Variants in NDRG3 observed in about 807,000 individuals in gnomAD.
The protein encoded by NDRG3 is NDRG family member 3.
NDRG3 carries 23 observed loss-of-function variants against 57.2 expected under a neutral mutation model. That is an observed-to-expected ratio of 0.40 (90% CI 0.29 to 0.57). NDRG3 has a LOEUF of 0.57. Ranked by LOEUF, NDRG3 falls within the 20% of genes least tolerant of loss-of-function variation. NDRG3 has a pLI of 0.42. For missense variants in NDRG3, 384 were observed against 457.3 expected (o/e 0.84, Z 1.46); for synonymous variants, 132 against 162.6 (o/e 0.81, Z 1.43).
Position 36,653,609 on chromosome 20 carries a change from C to T in NDRG3, c.1039G>A (p.Val347Ile), listed in dbSNP as rs1978398133. Residue 347 changes from valine to isoleucine, a missense_variant, in exon 16 of 16, where the codon GTC (valine) becomes ATC (isoleucine). Val to Ile is a conservative substitution (Grantham distance 29, BLOSUM62 3). Transcript: ENST00000349004. The surrounding 1 kb of genome is among the most constrained non-coding windows in gnomAD (Gnocchi z 4.2). The stretch of plus-strand genomic sequence containing the variant: ...GTTCCATCTGACTGATTGCTGGTGA[C>T]AGACCGGCTGAAGGGACTTTCTCCA... ...GSGESPFSRS[V>I]TSNQSDGTQE... 1.2e-6 allele frequency: 2 copies of T among 1,614,170 alleles called. No individual in the cohort carries two copies. Among genetic ancestry groups the T allele is most frequent in the Non-Finnish European group, 1.7e-6 (2 of 1,180,030 alleles).
chr20:36,706,301 A>C (rs1026172128), intron 3 of NDRG3, among the ~76,000 whole-genome samples: 1 of 152,102 alleles, frequency 6.6e-6, no homozygotes, highest in African/African-American at 2.4e-5. Context: ...CTGTCAAGAA[A>C]TCTCTCCTCC....
intron 1 of NDRG3, among the ~76,000 whole-genome samples, chr20:36,732,350 G>A (rs932915926): frequency 1.3e-5 from 2 of 152,180 alleles, no homozygotes; most frequent in Non-Finnish European, 2.9e-5. Flanking sequence ...GCAGAACACC[G>A]TTTAAAGCGT....
chr20:36,681,152 A>G (rs1391686478), intron 7 of NDRG3, among the ~76,000 whole-genome samples: 2 of 152,218 alleles, frequency 1.3e-5, no homozygotes, highest in African/African-American at 4.8e-5. Flanking sequence ...AAAGATCTAT[A>G]TGCAGTTGTT....
chr20:36,701,926 A>G (rs1409144469), intron 3 of NDRG3, among the ~76,000 whole-genome samples: 1 of 151,994 alleles, frequency 6.6e-6, no homozygotes, highest in East Asian at 1.9e-4. Flanking sequence ...ATTATTTAAT[A>G]ACCAACTTTC....
chr20:36,705,149 G>A (rs557288416), intron 3 of NDRG3, among the ~76,000 whole-genome samples: 3 of 151,060 alleles, frequency 2.0e-5, no homozygotes, highest in African/African-American at 2.4e-5. Context: ...GTGAAACCCC[G>A]TCTCTACTAA....
intron 3 of NDRG3, among the ~76,000 whole-genome samples, chr20:36,706,746 G>C (rs977691565): frequency 6.6e-6 from 1 of 152,158 alleles, no homozygotes; most frequent in African/African-American, 2.4e-5. Context: ...CAAGTGATCT[G>C]TCTGCCTTGG....
rs76811766 is a variant in NDRG3 at position 36,671,300 on chromosome 20, A to G, written c.588+41T>C. The G allele has an allele frequency of 3.1e-3, 4,715 of 1,520,246 alleles. 129 individuals carry two copies. In the African/African-American group the frequency reaches 0.059, roughly 19 times the overall value. 94.2% of individuals were successfully genotyped at this position (1,520,246 alleles called of 1,614,324 possible). On this transcript the variant is annotated intron_variant, in intron 9 of 15. Coordinates refer to ENST00000349004, the MANE Select transcript of NDRG3 (RefSeq NM_032013.4). Reference sequence around the variant, plus strand: ...AAGGTAAAATAAGAATTTGCATGCAAGCCAATAAACACAGCTCTTCTGGGT... The same window carrying G: ...AAGGTAAAATAAGAATTTGCATGCAGGCCAATAAACACAGCTCTTCTGGGT...
intron 5 of NDRG3, among the ~76,000 whole-genome samples, chr20:36,685,295 A>T (rs1216875424): frequency 2.1e-5 from 3 of 145,792 alleles, no homozygotes; most frequent in Non-Finnish European, 4.4e-5. Flanking sequence ...TTAAAATTTT[A>T]TTATTATTAT....
At chr20:36,696,771 G>A (rs1242854531) in intron 3 of NDRG3, among the ~76,000 whole-genome samples, 1 of 152,172 alleles carries the variant, frequency 6.6e-6, no homozygotes, top group East Asian at 1.9e-4. Context: ...GATTACAGGC[G>A]TGAGCCACCA....
At chr20:36,675,416 T>C (rs1189434957) in intron 8 of NDRG3, among the ~76,000 whole-genome samples, 6 of 144,694 alleles carry the variant, frequency 4.1e-5, no homozygotes, top group Admixed American at 1.4e-4. Context: ...GATGGAGTTT[T>C]GCTCTTGTTG....
intron 1 of NDRG3, among the ~76,000 whole-genome samples, chr20:36,726,623 GGT>G (rs1984950983): frequency 6.6e-6 from 1 of 152,134 alleles, no homozygotes; most frequent in Non-Finnish European, 1.5e-5. Flanking sequence ...CTGTACAAAT[GGT>G]ATGGCTGCCA....
At chr20:36,715,704 C>A (rs775965605) in intron 2 of NDRG3, among the ~76,000 whole-genome samples, 3 of 151,556 alleles carry the variant, frequency 2.0e-5, no homozygotes, top group African/African-American at 4.8e-5. Flanking sequence ...GTGGTCCCAA[C>A]TACTTGGGAG....
intron 3 of NDRG3, among the ~76,000 whole-genome samples, chr20:36,696,461 G>T (rs1489007753): frequency 6.6e-6 from 1 of 152,054 alleles, no homozygotes; most frequent in Non-Finnish European, 1.5e-5. Context: ...GATTGCAAGT[G>T]TGAGCCACCG....
intron 2 of NDRG3, among the ~76,000 whole-genome samples, chr20:36,721,386 G>A (rs552700736): frequency 2.5e-4 from 38 of 151,830 alleles, no homozygotes; most frequent in African/African-American, 8.9e-4. Context: ...AAAATTAGCT[G>A]GGCGTGATGA....
At chr20:36,699,473 T>A (rs1272914924) in intron 3 of NDRG3, among the ~76,000 whole-genome samples, 3 of 152,068 alleles carry the variant, frequency 2.0e-5, no homozygotes, top group Non-Finnish European at 4.4e-5. Flanking sequence ...CAAATCCAAG[T>A]TAAAGAGAGC....
intron 1 of NDRG3, among the ~76,000 whole-genome samples, chr20:36,735,689 G>C (rs1985568122): frequency 6.6e-6 from 1 of 151,992 alleles, no homozygotes; most frequent in Admixed American, 6.6e-5. Flanking sequence ...ATCAGGGTTG[G>C]GAAAGAAAGA....
chr20:36,734,704 T>C (rs181841637), intron 1 of NDRG3, among the ~76,000 whole-genome samples: 7 of 152,076 alleles, frequency 4.6e-5, no homozygotes, highest in Non-Finnish European at 8.8e-5. Context: ...GTCTGTTCTA[T>C]GCATTGCAGA....
In NDRG3 at chr20:36,712,559, CTA is replaced by C. The variant is rs1201319236; in HGVS notation, c.58-5554_58-5553del. ...TACTGGCATGTGCCACCATGCCCGG[CTA>C]TATATATATATATATATATATATAT... On this transcript the variant is annotated intron_variant, in intron 2 of 15. Coordinates refer to ENST00000349004, the MANE Select transcript of NDRG3 (RefSeq NM_032013.4). Among the ~76,000 whole-genome samples, 146 of 20,726 alleles carry C rather than the reference CTA, an allele frequency of 7.0e-3. 3 individuals carry two copies. Among genetic ancestry groups the C allele is most frequent in the Middle Eastern group, 0.045 (1 of 22 alleles). The allele number at this position is 20,726 out of a possible 152,430, so 13.6% of individuals were successfully genotyped here. A position where few individuals can be genotyped will look rare whatever the true frequency, so the allele number is the denominator to read the frequency against.
At chr20:36,716,350 T>C (rs1416775327) in intron 2 of NDRG3, among the ~76,000 whole-genome samples, 5 of 152,010 alleles carry the variant, frequency 3.3e-5, no homozygotes, top group Non-Finnish European at 7.4e-5. Context: ...CTGGCCAACA[T>C]GGCAAAACCC....
Sources: allele counts gnomAD v4.1 joint callset (sites outside exome capture counted in the v4.1 genomes callset), GRCh38; gene constraint gnomAD v4.1.1; non-coding constraint Gnocchi (gnomAD v3.1); transcripts MANE v1.5; gene names NCBI Gene and HGNC (gene_info 2026-07-23, HGNC 2026-07-21).